The following CEP128 variants were observed in gnomAD, a reference collection of about 807,000 sequenced individuals.
CEP128 encodes centrosomal protein 128, also known as centrosomal protein 128kDa.
CEP128 carries 132 observed loss-of-function variants against 156.7 expected under a neutral mutation model. That is an observed-to-expected ratio of 0.84 (90% CI 0.73 to 0.97). CEP128 has a LOEUF of 0.97. CEP128 is among the 50% of genes least tolerant of loss of function. The pLI is 0.00. For synonymous variants in CEP128, 469 were observed against 448.9 expected (o/e 1.04, Z -0.57); for missense variants, 1,252 against 1,281.9 (o/e 0.98, Z 0.36).
chr14:80,784,418 A>G (rs1024856182), intron 15 of CEP128, among the ~76,000 whole-genome samples: 3 of 152,168 alleles, frequency 2.0e-5, no homozygotes, highest in Non-Finnish European at 4.4e-5. Context: ...CAAGATCCCA[A>G]TTAGGCATTT....
intron 15 of CEP128, among the ~76,000 whole-genome samples, chr14:80,782,824 A>G (rs539427604): frequency 5.3e-4 from 80 of 152,236 alleles, no homozygotes; most frequent in Non-Finnish European, 9.1e-4. Context: ...CTTGATTATA[A>G]CTTTCTTAAA....
intron 21 of CEP128, among the ~76,000 whole-genome samples, chr14:80,543,859 A>G (rs1483079184): frequency 1.3e-5 from 2 of 152,194 alleles, no homozygotes; most frequent in Non-Finnish European, 2.9e-5. Context: ...TACATATTCA[A>G]CTAAAATGAG....
chr14:80,779,539 C>T (rs141942090), intron 15 of CEP128, among the ~76,000 whole-genome samples: 14 of 152,250 alleles, frequency 9.2e-5, no homozygotes, highest in African/African-American at 2.6e-4. Flanking sequence ...ACAAAGAATT[C>T]CCCCTAAAGT....
At position 80,868,252 on chromosome 14, in the gene CEP128, A is replaced by T. The variant is rs1171200907; in HGVS notation, c.646-5379T>A. 2.0e-5 allele frequency among the ~76,000 whole-genome samples: 3 copies of T among 152,236 alleles called. No individual in the cohort carries two copies. In the East Asian group the frequency reaches 5.8e-4, roughly 29 times the overall value. The stretch of plus-strand genomic sequence containing the variant: ...AAATTATAATACTCTAATACTTATA[A>T]TGGTAGTGTTTAAGTTACTTTTAAC... On this transcript the variant is annotated intron_variant, in intron 8 of 24. Coordinates refer to ENST00000555265, the MANE Select transcript of CEP128 (RefSeq NM_152446.5).
At chr14:80,761,915 T>C (rs1899990845) in intron 16 of CEP128, among the ~76,000 whole-genome samples, 1 of 152,106 alleles carries the variant, frequency 6.6e-6, no homozygotes, top group South Asian at 2.1e-4. Flanking sequence ...TTTAATAATA[T>C]ATTCTCAGTA....
Position 80,757,304 on chromosome 14 carries a change from G to A in CEP128, c.2554-353C>T, listed in dbSNP as rs374340464. 5.3e-5 allele frequency among the ~76,000 whole-genome samples: 8 copies of A among 152,050 alleles called. No individual in the cohort carries two copies. The East Asian group carries it at 7.7e-4, about 15-fold the overall frequency. On this transcript the variant is annotated intron_variant, in intron 17 of 24. Transcript: ENST00000555265. Reference sequence around the variant, plus strand: ...TTCTGTTTGTTTCCTCTCCTCAGTCGTGTTCTACATAATGTACTTCAAAGA... The same window carrying A: ...TTCTGTTTGTTTCCTCTCCTCAGTCATGTTCTACATAATGTACTTCAAAGA...
intron 17 of CEP128, among the ~76,000 whole-genome samples, chr14:80,758,823 C>A (rs1372889600): frequency 6.6e-6 from 1 of 152,176 alleles, no homozygotes; most frequent in Non-Finnish European, 1.5e-5. Flanking sequence ...TATATCTTAC[C>A]TCACTTTATC....
At chr14:80,867,025 A>G (rs536708221) in intron 8 of CEP128, among the ~76,000 whole-genome samples, 2 of 152,188 alleles carry the variant, frequency 1.3e-5, no homozygotes, top group African/African-American at 4.8e-5. Flanking sequence ...ATCTCAGTAT[A>G]TATTTTTTTT....
chr14:80,823,796 G>A (rs1391006469), intron 13 of CEP128, among the ~76,000 whole-genome samples: 1 of 152,200 alleles, frequency 6.6e-6, no homozygotes, highest in Non-Finnish European at 1.5e-5. Context: ...GGTACACAGT[G>A]CAAGCTGTTC....
chr14:80,860,094 T>C (rs910687649), intron 9 of CEP128, among the ~76,000 whole-genome samples: 2 of 152,188 alleles, frequency 1.3e-5, no homozygotes, highest in African/African-American at 2.4e-5. Context: ...TCATATGGTA[T>C]AGGAATTTCC....
intron 20 of CEP128, among the ~76,000 whole-genome samples, chr14:80,560,891 TTA>T (rs150249007): frequency 2.7e-5 from 4 of 150,448 alleles, no homozygotes; most frequent in Admixed American, 6.6e-5. Flanking sequence ...TAACTACCCT[TTA>T]TATATATATA....
intron 23 of CEP128, among the ~76,000 whole-genome samples, chr14:80,522,273 G>A (rs776426050): frequency 1.8e-4 from 28 of 152,316 alleles, no homozygotes; most frequent in Non-Finnish European, 2.9e-4. Context: ...GACTTGAACA[G>A]CCATTAATTG....
intron 19 of CEP128, among the ~76,000 whole-genome samples, chr14:80,723,198 T>C (rs1438294320): frequency 6.6e-6 from 1 of 152,060 alleles, no homozygotes; most frequent in Non-Finnish European, 1.5e-5. Flanking sequence ...ACAGTCCCCA[T>C]GTAATATAAA....
At chr14:80,796,047 T>G (rs1414923555) in intron 13 of CEP128, among the ~76,000 whole-genome samples, 1 of 152,194 alleles carries the variant, frequency 6.6e-6, no homozygotes, top group African/African-American at 2.4e-5. Context: ...CATCTTCCTC[T>G]TAAGCCAAGA....
At chr14:80,760,211 C>T (rs1383646081) in intron 17 of CEP128, among the ~76,000 whole-genome samples, 1 of 151,388 alleles carries the variant, frequency 6.6e-6, no homozygotes, top group Admixed American at 6.6e-5. Context: ...TAGTTTTCCC[C>T]CTAAAGCCAA....
chr14:80,714,818 C>G (rs983869953), intron 19 of CEP128, among the ~76,000 whole-genome samples: 4 of 151,958 alleles, frequency 2.6e-5, no homozygotes. Context: ...TTAAGAATAA[C>G]AGTATTGTCC....
chr14:80,901,742 AC>A (rs969271421), intron 6 of CEP128, among the ~76,000 whole-genome samples: 3 of 152,100 alleles, frequency 2.0e-5, no homozygotes, highest in African/African-American at 7.2e-5. Flanking sequence ...CATTTTATCC[AC>A]TAAAATGCTT....
chr14:80,887,006 A>G (rs543411002), intron 8 of CEP128, among the ~76,000 whole-genome samples: 1 of 152,342 alleles, frequency 6.6e-6, no homozygotes, highest in African/African-American at 2.4e-5. Context: ...AACAGACTTT[A>G]AAACAAAAAG....
intron 16 of CEP128, among the ~76,000 whole-genome samples, chr14:80,764,971 T>C (rs1186303962): frequency 6.6e-6 from 1 of 152,204 alleles, no homozygotes. Flanking sequence ...TTCCACACCA[T>C]ACTTCAGCAG....
Sources: allele counts gnomAD v4.1 joint callset (sites outside exome capture counted in the v4.1 genomes callset), GRCh38; gene constraint gnomAD v4.1.1; transcripts MANE v1.5; gene names NCBI Gene and HGNC (gene_info 2026-07-23, HGNC 2026-07-21).